The following STK32B variants were observed in gnomAD, a reference collection of about 807,000 sequenced individuals.
The protein encoded by STK32B is serine/threonine-protein kinase 32B.
In STK32B, 43 loss-of-function variants were observed where a neutral mutation model predicts 52.6. The observed-to-expected ratio is 0.82, with a 90% CI of 0.64 to 1.05. The LOEUF is 1.05. Among genes scored for constraint, STK32B ranks in the 50% least tolerant of loss-of-function variants. The pLI is 0.00. For missense variants in STK32B, 621 were observed against 534.6 expected (o/e 1.16, Z -1.59); for synonymous variants, 238 against 204.3 (o/e 1.17, Z -1.41).
chr4:5,405,516 C>T lies in STK32B; in HGVS notation c.472+7272C>T, dbSNP rs182764230. 2.1e-4 allele frequency among the ~76,000 whole-genome samples: 32 copies of T among 152,230 alleles called. 1 individual carries two copies. In the East Asian group the frequency reaches 3.3e-3, roughly 16 times the overall value. ...GCTGTGTTAGTCCATTCTCACACTG[C>T]TGTGAAGAACTACCTGAGAGTGGGT... On this transcript the variant is annotated intron_variant, in intron 5 of 11. Coordinates refer to ENST00000282908, the MANE Select transcript of STK32B (RefSeq NM_018401.3).
chr4:5,311,117 G>A (rs1041876540), intron 3 of STK32B, among the ~76,000 whole-genome samples: 1 of 152,076 alleles, frequency 6.6e-6, no homozygotes, highest in Non-Finnish European at 1.5e-5. Context: ...CTGCCTAGGA[G>A]AAATAAGTCC....
intron 1 of STK32B, among the ~76,000 whole-genome samples, chr4:5,089,998 C>CT: frequency 6.6e-6 from 1 of 152,216 alleles, no homozygotes; most frequent in Admixed American, 6.5e-5. Flanking sequence ...TGTTTGGTGG[C>CT]TGCGTAAATG....
intron 6 of STK32B, among the ~76,000 whole-genome samples, chr4:5,433,240 A>G (rs1230954998): frequency 6.6e-6 from 1 of 152,192 alleles, no homozygotes; most frequent in South Asian, 2.1e-4. Context: ...AAATGGTCAA[A>G]TACAAAGGCG....
intron 4 of STK32B, among the ~76,000 whole-genome samples, chr4:5,355,463 T>C (rs1421810018): frequency 6.6e-6 from 1 of 152,196 alleles, no homozygotes; most frequent in East Asian, 1.9e-4. Flanking sequence ...CTTTAAGAAA[T>C]GCTTTTATTT....
intron 6 of STK32B, among the ~76,000 whole-genome samples, chr4:5,426,459 C>G (rs190622661): frequency 1.3e-5 from 2 of 151,900 alleles, no homozygotes; most frequent in Admixed American, 1.3e-4. Context: ...AATCTCAGCA[C>G]TTAGGGAGGC....
intron 11 of STK32B, among the ~76,000 whole-genome samples, chr4:5,472,450 T>TGG (rs1717917751): frequency 1.3e-5 from 2 of 152,240 alleles, no homozygotes; most frequent in African/African-American, 4.8e-5. Flanking sequence ...CTGAGCCAGG[T>TGG]GGAGCATCTG....
intron 3 of STK32B, among the ~76,000 whole-genome samples, chr4:5,223,241 G>T (rs1001862515): frequency 1.3e-5 from 2 of 152,142 alleles, no homozygotes; most frequent in African/African-American, 4.8e-5. Flanking sequence ...TTTCCACCTA[G>T]ATTTCAAAGA....
At chr4:5,315,036 C>A (rs1467908194) in intron 3 of STK32B, among the ~76,000 whole-genome samples, 2 of 152,008 alleles carry the variant, frequency 1.3e-5, no homozygotes, top group African/African-American at 4.8e-5. Flanking sequence ...GATTAAAAGA[C>A]AAGCTACAGA....
intron 3 of STK32B, among the ~76,000 whole-genome samples, chr4:5,286,450 G>A (rs551289743): frequency 6.6e-4 from 101 of 152,096 alleles, no homozygotes; most frequent in Non-Finnish European, 1.3e-3. Flanking sequence ...AAGTCCTGTT[G>A]CCCCCTTCCA....
upstream of STK32B, among the ~76,000 whole-genome samples, chr4:5,047,442 T>G (rs556555651): frequency 1.3e-5 from 2 of 152,196 alleles, no homozygotes; most frequent in South Asian, 4.2e-4. Context: ...ATTCTGCACA[T>G]GTATCCCGGA....
chr4:5,062,632 C>G (rs1742260521), intron 1 of STK32B, among the ~76,000 whole-genome samples: 1 of 152,114 alleles, frequency 6.6e-6, no homozygotes, highest in Non-Finnish European at 1.5e-5. Context: ...CCTCAGCCTC[C>G]CAAGTAGCTG....
chr4:5,420,845 C>G (rs1560397099), intron 6 of STK32B, among the ~76,000 whole-genome samples: 1 of 152,130 alleles, frequency 6.6e-6, no homozygotes, highest in Non-Finnish European at 1.5e-5. Flanking sequence ...AAATTGATGT[C>G]AAGGAGTGTA....
intron 4 of STK32B, among the ~76,000 whole-genome samples, chr4:5,362,890 A>G (rs894523184): frequency 2.6e-5 from 4 of 152,166 alleles, no homozygotes; most frequent in South Asian, 2.1e-4. Context: ...TAGTGCTTTC[A>G]TCAATTCAAC....
At chr4:5,366,627 G>C (rs1734897219) in intron 4 of STK32B, among the ~76,000 whole-genome samples, 2 of 152,234 alleles carry the variant, frequency 1.3e-5, no homozygotes, top group African/African-American at 4.8e-5. Flanking sequence ...ACCCGGCCCA[G>C]GCGATGACTC....
chr4:5,271,664 T>A (rs1727439570), intron 3 of STK32B, among the ~76,000 whole-genome samples: 1 of 147,698 alleles, frequency 6.8e-6, no homozygotes. Flanking sequence ...TTTGTTTGTA[T>A]CCTCTTTTAT....
At chr4:5,168,115 G>A (rs760305241) in intron 2 of STK32B, among the ~76,000 whole-genome samples, 184 bp from the exon 3 acceptor site, 2 of 152,110 alleles carry the variant, frequency 1.3e-5, no homozygotes, top group African/African-American at 2.4e-5. Context: ...GATGAATCTG[G>A]TCCAACTCCT....
intron 3 of STK32B, among the ~76,000 whole-genome samples, chr4:5,218,054 G>A (rs1723287430): frequency 6.6e-6 from 1 of 152,022 alleles, no homozygotes; most frequent in African/African-American, 2.4e-5. Flanking sequence ...TGGGTCAAGT[G>A]CCTCATTACC....
At chr4:5,367,239 G>T (rs73794584) in intron 4 of STK32B, among the ~76,000 whole-genome samples, 6,057 of 152,210 alleles carry the variant, frequency 0.04, 328 homozygotes, top group African/African-American at 0.13. Flanking sequence ...TAGCCTCATG[G>T]TTTGGAAATA....
At position 5,499,035 on chromosome 4, in the gene STK32B, C is replaced by G. The variant is rs141820982; in HGVS notation, c.1197C>G (p.Cys399Trp). The change falls in exon 12 of 12, where the codon TGC (cysteine) becomes TGG (tryptophan). Residue 399 changes from cysteine (C) to tryptophan (W), a missense_variant. Cys to Trp is a radical substitution (Grantham distance 215, BLOSUM62 -2). Transcript: ENST00000282908. ...CCCAAAGCAAGCTCCAGGACGGGTG[C>G]AACAACAACCTCCTCACCCACACCT... ...GQAQSKLQDG[C>W]NNNLLTHTCT... 55 of 1,613,660 alleles carry G rather than the reference C, an allele frequency of 3.4e-5. No individual in the cohort carries two copies. In the East Asian group the frequency reaches 1.2e-3, roughly 36 times the overall value.
Sources: gnomAD v4.1 joint callset for allele counts (sites outside exome capture counted in the v4.1 genomes callset) on GRCh38, gnomAD v4.1.1 for gene constraint, MANE v1.5 for transcripts, NCBI Gene and HGNC (gene_info 2026-07-23, HGNC 2026-07-21) for gene names.